The following PCDH11X variants were observed in gnomAD, a reference collection of about 807,000 sequenced individuals.
PCDH11X encodes the protein protocadherin 11 X-linked.
Under a neutral mutation model 53.3 loss-of-function variants are expected in PCDH11X, and 18 were observed. The observed-to-expected ratio is 0.34, with a 90% confidence interval of 0.23 to 0.50. The LOEUF is 0.50. Among genes scored for constraint, PCDH11X ranks in the 20% least tolerant of loss-of-function variants. The pLI, the probability that PCDH11X is intolerant of heterozygous loss-of-function variation, is 0.98. For synonymous variants in PCDH11X, 279 were observed against 393.3 expected, an observed-to-expected ratio of 0.71 and a Z score of 3.44; for missense variants, 570 against 1,032.4, an observed-to-expected ratio of 0.55 and a Z score of 6.14.
chrX:92,437,349 G>A (rs755325647), intron 9 of PCDH11X, among the ~76,000 whole-genome samples: 3 of 111,486 alleles, frequency 2.7e-5, no homozygotes, highest in African/African-American at 9.8e-5. Flanking sequence ...AGAGATGTTG[G>A]TAAAATTTTA....
At chrX:92,025,799 C>A (rs1453746532) in intron 6 of PCDH11X, among the ~76,000 whole-genome samples, 1 of 110,708 alleles carries the variant, frequency 9.0e-6, no homozygotes, top group Non-Finnish European at 1.9e-5. Context: ...GACATGGAAC[C>A]AACCCAAATG....
intron 10 of PCDH11X, among the ~76,000 whole-genome samples, chrX:92,576,032 A>G (rs1441942884): frequency 1.1e-5 from 1 of 90,573 alleles, no homozygotes; most frequent in African/African-American, 4.0e-5. Flanking sequence ...ACACACACAC[A>G]CACACAGGTG....
chrX:92,457,334 T>C (rs2072927499), intron 9 of PCDH11X, among the ~76,000 whole-genome samples: 1 of 107,497 alleles, frequency 9.3e-6, no homozygotes. Context: ...AAGCTTGTGT[T>C]CATACAGTTA....
chrX:92,138,933 C>T (rs1210638378), intron 6 of PCDH11X, among the ~76,000 whole-genome samples: 2 of 109,182 alleles, frequency 1.8e-5, no homozygotes, highest in African/African-American at 6.7e-5. Context: ...ATGTTTCTTA[C>T]CACCAATTTT....
intron 10 of PCDH11X, among the ~76,000 whole-genome samples, chrX:92,611,316 G>A (rs1439997972): frequency 9.2e-6 from 1 of 108,574 alleles, no homozygotes; most frequent in Non-Finnish European, 1.9e-5. Context: ...CAAACCTCTT[G>A]CTGCCTTGGT....
intron 6 of PCDH11X, among the ~76,000 whole-genome samples, chrX:92,152,681 A>C (rs1257080676): frequency 3.6e-5 from 4 of 112,351 alleles, no homozygotes; most frequent in Non-Finnish European, 7.5e-5. Flanking sequence ...CTTCATTAGC[A>C]AAAAACTAAA....
chrX:92,409,587 G>A (rs1281411993), intron 9 of PCDH11X, among the ~76,000 whole-genome samples: 1 of 112,287 alleles, frequency 8.9e-6, no homozygotes, highest in African/African-American at 3.2e-5. Context: ...ATGTGATTTA[G>A]CTGAAATGAT....
Position 92,277,570 on chromosome X carries a change from G to A in PCDH11X, c.3144+14427G>A, listed in dbSNP as rs549389576. Reference sequence around the variant, plus strand: ...TAGAGAAATGGAGGGAAGGGGTTTGGGGGTTCTTACCTTCTAGAAAAGTGG... The same window carrying A: ...TAGAGAAATGGAGGGAAGGGGTTTGAGGGTTCTTACCTTCTAGAAAAGTGG... On this transcript the variant is annotated intron_variant, in intron 8 of 10. Transcript: ENST00000682573. Among the ~76,000 whole-genome samples, 34 of 108,575 alleles carry A rather than the reference G, an allele frequency of 3.1e-4. 1 individual carries two copies. The highest frequency in any genetic ancestry group is 1.1e-3 in the African/African-American group (32 of 29,745). 94.3% of individuals were successfully genotyped at this position (108,575 alleles called of 115,157 possible). A position where few individuals can be genotyped will look rare whatever the true frequency, so the allele number is the denominator to read the frequency against.
At chrX:91,899,147 G>T (rs766979109) in intron 6 of PCDH11X, among the ~76,000 whole-genome samples, 2 of 111,099 alleles carry the variant, frequency 1.8e-5, no homozygotes, top group African/African-American at 6.5e-5. Context: ...ACTGCAAGCT[G>T]AGGAGCAAGG....
At chrX:92,158,628 C>CT (rs1211527424) in intron 6 of PCDH11X, among the ~76,000 whole-genome samples, 1 of 111,338 alleles carries the variant, frequency 9.0e-6, no homozygotes, top group African/African-American at 3.3e-5. Context: ...GTTTTCTAGT[C>CT]TTTTTTCAGA....
At chrX:92,430,041 C>G (rs934620357) in intron 9 of PCDH11X, among the ~76,000 whole-genome samples, 2 of 107,620 alleles carry the variant, frequency 1.9e-5, no homozygotes, top group African/African-American at 6.7e-5. Flanking sequence ...AATTAATAAA[C>G]TTGAGCTTAT....
chrX:92,152,777 ATGTATG>A (rs2065459734), intron 6 of PCDH11X, among the ~76,000 whole-genome samples: 1 of 103,232 alleles, frequency 9.7e-6, no homozygotes, highest in Non-Finnish European at 2.0e-5. Context: ...GTATGTATGT[ATGTATG>A]TATGTATGTA....
chrX:92,369,485 G>A (rs1436318787), intron 8 of PCDH11X, among the ~76,000 whole-genome samples: 1 of 111,338 alleles, frequency 9.0e-6, no homozygotes, highest in Non-Finnish European at 1.9e-5. Context: ...AGACCACTTG[G>A]CTCCCTGGCT....
At chrX:92,109,422 G>C (rs1401259148) in intron 6 of PCDH11X, among the ~76,000 whole-genome samples, 1 of 110,546 alleles carries the variant, frequency 9.0e-6, no homozygotes, top group Non-Finnish European at 1.9e-5. Flanking sequence ...TGGGAAGTGG[G>C]AAGTACTGAT....
At chrX:92,385,033 A>G (rs2070981725) in intron 8 of PCDH11X, among the ~76,000 whole-genome samples, 1 of 101,205 alleles carries the variant, frequency 9.9e-6, no homozygotes, top group Non-Finnish European at 2.0e-5. Context: ...TGGCTAGGTT[A>G]GATACCTTTC....
At chrX:91,882,956 C>G (rs368457292) in intron 6 of PCDH11X, 1 of 1,179,245 alleles carries the variant, frequency 8.5e-7, no homozygotes, top group Non-Finnish European at 1.1e-6. Context: ...ATATAACTTT[C>G]TAGGAACAAC....
chrX:92,569,132 T>C (rs749683981), intron 10 of PCDH11X, among the ~76,000 whole-genome samples: 271 of 109,216 alleles, frequency 2.5e-3, no homozygotes, highest in African/African-American at 8.5e-3. Flanking sequence ...AGAGGTATTG[T>C]GCTAAGAGTG....
chrX:92,227,541 A>C (rs919708273), intron 7 of PCDH11X, among the ~76,000 whole-genome samples: 1 of 111,377 alleles, frequency 9.0e-6, no homozygotes, highest in African/African-American at 3.3e-5. Context: ...TGCAAATAAA[A>C]TCTCCTTGTA....
At chrX:92,495,868 A>G (rs1434662996) in intron 10 of PCDH11X, among the ~76,000 whole-genome samples, 2 of 105,998 alleles carry the variant, frequency 1.9e-5, no homozygotes, top group Non-Finnish European at 3.8e-5. Context: ...AACTGCCCAC[A>G]TGATTCAAAT....
Sources: gnomAD v4.1 joint callset for allele counts (sites outside exome capture counted in the v4.1 genomes callset) on GRCh38, gnomAD v4.1.1 for gene constraint, MANE v1.5 for transcripts, NCBI Gene and HGNC (gene_info 2026-07-23, HGNC 2026-07-21) for gene names.